Variants in TMEM108 observed in about 807,000 individuals in gnomAD.
TMEM108 encodes the protein transmembrane protein 108.
Under a neutral mutation model 35.1 loss-of-function variants are expected in TMEM108, and 12 were observed. The ratio of observed to expected loss-of-function variants is 0.34; its 90% CI spans 0.22 to 0.55. The LOEUF (loss-of-function observed/expected upper bound fraction) is 0.55, where lower values mean the gene tolerates loss of function less well. Ranked by LOEUF, TMEM108 falls within the 20% of genes least tolerant of loss-of-function variation. TMEM108 has a pLI of 0.89. For synonymous variants in TMEM108, 287 were observed against 308.6 expected (o/e 0.93, Z 0.73); for missense variants, 680 against 753.3 (o/e 0.90, Z 1.14).
At chr3:133,279,344 CA>C (rs1346461537) in intron 3 of TMEM108, among the ~76,000 whole-genome samples, 26 of 152,158 alleles carry the variant, frequency 1.7e-4, no homozygotes, top group Non-Finnish European at 3.5e-4. Flanking sequence ...ATCATGAGAC[CA>C]TCCTAGTTTT....
chr3:133,168,901 G>C (rs115293967), intron 2 of TMEM108, among the ~76,000 whole-genome samples: 5 of 151,924 alleles, frequency 3.3e-5, no homozygotes, highest in Non-Finnish European at 7.4e-5. Flanking sequence ...CTCTGGATGC[G>C]CCGCCTTTAT....
chr3:133,248,943 G>A (rs1400739189), intron 3 of TMEM108, among the ~76,000 whole-genome samples: 1 of 152,140 alleles, frequency 6.6e-6, no homozygotes, highest in African/African-American at 2.4e-5. Context: ...CACTCCTGCT[G>A]CTGATTAAAA....
intron 3 of TMEM108, among the ~76,000 whole-genome samples, chr3:133,283,066 T>C (rs1311817522): frequency 6.6e-6 from 1 of 152,210 alleles, no homozygotes; most frequent in Non-Finnish European, 1.5e-5. Context: ...GCAGAGTAGA[T>C]GAGGGGTAGC....
intron 2 of TMEM108, among the ~76,000 whole-genome samples, chr3:133,067,464 G>A (rs1221442872): frequency 1.3e-5 from 2 of 152,134 alleles, no homozygotes; most frequent in Non-Finnish European, 2.9e-5. Context: ...TTCCTTCATA[G>A]CATCCATCTA....
chr3:133,111,061 CA>C (rs1475063725), intron 2 of TMEM108, among the ~76,000 whole-genome samples: 1 of 152,168 alleles, frequency 6.6e-6, no homozygotes, highest in Non-Finnish European at 1.5e-5. Context: ...GTATGGGGGC[CA>C]TAGATGTGTG....
chr3:133,262,742 G>T (rs1946642090), intron 3 of TMEM108, among the ~76,000 whole-genome samples: 1 of 152,216 alleles, frequency 6.6e-6, no homozygotes, highest in South Asian at 2.1e-4. Flanking sequence ...CTAGGCGGGG[G>T]ATGCACACAA....
chr3:133,293,694 G>A (rs1947104287), intron 3 of TMEM108, among the ~76,000 whole-genome samples: 1 of 152,040 alleles, frequency 6.6e-6, no homozygotes, highest in African/African-American at 2.4e-5. Flanking sequence ...TCTTTGTGCA[G>A]CTTAAGTCCA....
intron 3 of TMEM108, among the ~76,000 whole-genome samples, chr3:133,245,594 T>C (rs1335670470): frequency 6.6e-6 from 1 of 152,246 alleles, no homozygotes; most frequent in African/African-American, 2.4e-5. Context: ...CTACAGTCAG[T>C]TAAGAGCCCA....
At chr3:133,310,552 T>C in intron 3 of TMEM108, among the ~76,000 whole-genome samples, 1 of 130,768 alleles carries the variant, frequency 7.6e-6, no homozygotes, top group Non-Finnish European at 1.6e-5. Context: ...TTTTTTTTTT[T>C]TTTTTTTGCT....
intron 3 of TMEM108, among the ~76,000 whole-genome samples, chr3:133,240,378 C>G (rs1023752136): frequency 1.3e-5 from 2 of 152,150 alleles, no homozygotes; most frequent in Non-Finnish European, 1.5e-5. Context: ...CATAAGTCAA[C>G]AATTCTCTTC....
At chr3:133,202,975 T>C (rs1158356543) in intron 2 of TMEM108, among the ~76,000 whole-genome samples, 11 of 152,220 alleles carry the variant, frequency 7.2e-5, no homozygotes, top group Admixed American at 7.2e-4. Context: ...CCTTGAGCAG[T>C]GGTTTGTAGT....
At chr3:133,108,401 G>C (rs1235630539) in intron 2 of TMEM108, among the ~76,000 whole-genome samples, 1 of 152,002 alleles carries the variant, frequency 6.6e-6, no homozygotes, top group African/African-American at 2.4e-5. Context: ...GTGTTTTTTG[G>C]CTGCATAAAT....
chr3:133,094,661 G>C (rs1484936787), intron 2 of TMEM108, among the ~76,000 whole-genome samples: 1 of 152,102 alleles, frequency 6.6e-6, no homozygotes, highest in Non-Finnish European at 1.5e-5. Context: ...CCCCTTGCAG[G>C]GATAGTTAGC....
chr3:133,395,268 G>T (rs1008837491), intron 5 of TMEM108, among the ~76,000 whole-genome samples: 4 of 152,220 alleles, frequency 2.6e-5, no homozygotes, highest in African/African-American at 9.6e-5. Context: ...AGTGCTATAA[G>T]AAATGGGGCA....
intron 2 of TMEM108, among the ~76,000 whole-genome samples, chr3:133,197,049 C>A (rs1945588727): frequency 6.6e-6 from 1 of 152,140 alleles, no homozygotes; most frequent in Non-Finnish European, 1.5e-5. Flanking sequence ...CTATGGAAAT[C>A]AATGTGCTGA....
Position 133,396,291 on chromosome 3 carries a change from AAG to A in TMEM108, c.*309_*310del, listed in dbSNP as rs2073305060. 6.5e-6 allele frequency: 1 copy of A among 153,808 alleles called. No individual in the cohort carries two copies. Among genetic ancestry groups the A allele is most frequent in the African/African-American group, 2.4e-5 (1 of 40,830 alleles). The allele number at this position is 153,808 out of a possible 1,614,324, so 9.5% of individuals were successfully genotyped here. A position where few individuals can be genotyped will look rare whatever the true frequency, so the allele number is the denominator to read the frequency against. On this transcript the variant is annotated 3_prime_UTR_variant, in exon 6 of 6. Transcript: ENST00000321871. ...CCCAGGAACCCTGGTCAGGTGAGGT[AAG>A]AGACTGACCTCCTGTAGAAGCTGAA...
chr3:133,319,922 A>T (rs1195719257), intron 3 of TMEM108, among the ~76,000 whole-genome samples: 1 of 152,200 alleles, frequency 6.6e-6, no homozygotes, highest in Non-Finnish European at 1.5e-5. Flanking sequence ...TTCCACTGAA[A>T]TAGTCTACCC....
At chr3:133,174,243 G>C (rs151244191) in intron 2 of TMEM108, among the ~76,000 whole-genome samples, 3 of 152,242 alleles carry the variant, frequency 2.0e-5, no homozygotes, top group Non-Finnish European at 4.4e-5. Flanking sequence ...TAGACTCCAC[G>C]TCTGGGGACG....
chr3:133,308,321 C>T (rs556314833), intron 3 of TMEM108, among the ~76,000 whole-genome samples: 1 of 152,286 alleles, frequency 6.6e-6, no homozygotes, highest in South Asian at 2.1e-4. Context: ...AACTATTTGA[C>T]TTCCCTTTTC....
Sources: allele counts gnomAD v4.1 joint callset (sites outside exome capture counted in the v4.1 genomes callset), GRCh38; gene constraint gnomAD v4.1.1; transcripts MANE v1.5; gene names NCBI Gene and HGNC (gene_info 2026-07-23, HGNC 2026-07-21).